ZNF577: variants seen among roughly 807,000 people sequenced by gnomAD.
ZNF577 encodes the protein zinc finger protein 577.
Under a neutral mutation model 13.9 loss-of-function variants are expected in ZNF577, and 14 were observed. The ratio of observed to expected loss-of-function variants is 1.00; its 90% CI spans 0.66 to 1.57. The LOEUF is 1.57. Among genes scored for constraint, ZNF577 ranks in the 40% most tolerant of loss-of-function variants. The pLI is 0.00. For synonymous variants in ZNF577, 203 were observed against 202.9 expected (o/e 1.00, Z 0.00); for missense variants, 555 against 579.2 (o/e 0.96, Z 0.43).
chr19:51,874,296 G>A (rs76329479), intron 5 of ZNF577, among the ~76,000 whole-genome samples: 10,011 of 152,152 alleles, frequency 0.066, 467 homozygotes, highest in Non-Finnish European at 0.099. Context: ...CTGTCATTCA[G>A]GTAAAGACAG....
At chr19:51,808,495 G>C (rs1312411071) in intron 10 of ZNF577, among the ~76,000 whole-genome samples, 1 of 152,192 alleles carries the variant, frequency 6.6e-6, no homozygotes, top group Non-Finnish European at 1.5e-5. Context: ...ATATTCCGAG[G>C]CTTCTTTAAT....
downstream of ZNF577, among the ~76,000 whole-genome samples, chr19:51,864,478 G>C (rs1365261713): frequency 6.6e-6 from 1 of 152,168 alleles, no homozygotes; most frequent in Non-Finnish European, 1.5e-5. Flanking sequence ...AGAAACAAGA[G>C]TAAAGGACTG....
intron 5 of ZNF577, among the ~76,000 whole-genome samples, 169 bp downstream of exon 5, chr19:51,877,113 G>A (rs116418100): frequency 0.013 from 2,001 of 152,278 alleles, 45 homozygotes; most frequent in African/African-American, 0.044. Context: ...TATCCTTTGA[G>A]AGCCGGCTCT....
chr19:51,878,783 C>T (rs370104784), intron 3 of ZNF577: 3 of 311,842 alleles, frequency 9.6e-6, no homozygotes, highest in East Asian at 5.6e-5. Context: ...ATCTAAATGT[C>T]TATCAAAAGC....
rs548737438 is a variant in ZNF577, at chr19:51,821,583, G to A, written c.*600-9909C>T. Among the ~76,000 whole-genome samples the A allele has an allele frequency of 3.9e-5, 6 of 152,244 alleles. No individual in the cohort carries two copies. In the South Asian group the frequency reaches 1.2e-3, roughly 32 times the overall value. ...GACCTCAGTGAAAGTGACTGGTAAT[G>A]ACAGGAAGAAAAGAAGGAAGAGAGA... On this transcript the variant is annotated intron_variant and NMD_transcript_variant, in intron 9 of 10. Coordinates refer to the ZNF577 transcript ENST00000638827.
chr19:51,873,380 GCTCAGTGAGCTGAAT>G lies in ZNF577; in HGVS notation c.595_609del (p.Ile199_Glu203del). 1 of 1,614,212 alleles carries G rather than the reference GCTCAGTGAGCTGAAT, an allele frequency of 6.2e-7. No homozygotes were observed. Among genetic ancestry groups the G allele is most frequent in the Non-Finnish European group, 8.5e-7 (1 of 1,180,038 alleles). On this transcript the variant is annotated inframe_deletion, in exon 6 of 6. Transcript: ENST00000638348. Reference sequence around the variant, plus strand: ...TTCTCTCCTGTGTGAGTTCTCTGATGCTCAGTGAGCTGAATCTTCCTCATGAATGTTTTCCCACAT... The same window carrying G: ...TTCTCTCCTGTGTGAGTTCTCTGATGCTTCCTCATGAATGTTTTCCCACAT...
At chr19:51,811,245 G>A (rs1015393638) in intron 10 of ZNF577, among the ~76,000 whole-genome samples, 4 of 145,210 alleles carry the variant, frequency 2.8e-5, no homozygotes, top group Non-Finnish European at 4.6e-5. Context: ...CACATCAAGG[G>A]TGCTGCCTGT....
At chr19:51,805,781 T>C (rs960649511) in intron 10 of ZNF577, among the ~76,000 whole-genome samples, 2 of 152,260 alleles carry the variant, frequency 1.3e-5, no homozygotes, top group South Asian at 4.1e-4. Context: ...AAGTTATTAG[T>C]GTGACCAAGG....
rs766012996 is a variant in ZNF577, at chr19:51,887,557, C to T, written c.-955G>A. 6.6e-6 allele frequency: 1 copy of T among 152,192 alleles called. No homozygotes were observed. The highest frequency in any genetic ancestry group is 2.4e-5 in the African/African-American group (1 of 41,416). The allele number at this position is 152,192 out of a possible 1,614,324, so 9.4% of individuals were successfully genotyped here. A position where few individuals can be genotyped will look rare whatever the true frequency, so the allele number is the denominator to read the frequency against. On this transcript the variant is annotated 5_prime_UTR_variant, in exon 1 of 6. The change creates a new upstream start codon in the 5' untranslated region. Coordinates refer to ENST00000638348, the MANE Select transcript of ZNF577 (RefSeq NM_001370449.1). ...GTACGCATGTGATAAGCAATGAACA[C>T]GAACTGCCCAGAGCAGTCTCCAACA... is the stretch of plus-strand genomic sequence containing the variant.
intron 1 of ZNF577, among the ~76,000 whole-genome samples, chr19:51,883,700 A>C (rs1344793126): frequency 1.3e-5 from 2 of 152,232 alleles, no homozygotes; most frequent in African/African-American, 4.8e-5. Context: ...CATTTGGATC[A>C]TGATTCAAAC....
chr19:51,879,482 T>C (rs1663448918), intron 3 of ZNF577, among the ~76,000 whole-genome samples: 2 of 151,568 alleles, frequency 1.3e-5, no homozygotes, highest in South Asian at 2.1e-4. Flanking sequence ...GGCAGGAGAA[T>C]TGCTTGAGCC....
intron 9 of ZNF577, among the ~76,000 whole-genome samples, chr19:51,816,827 C>A (rs1490438877): frequency 2.6e-5 from 4 of 152,116 alleles, no homozygotes; most frequent in Admixed American, 2.6e-4. Flanking sequence ...AGTGGTGTCT[C>A]CAGAGAATTG....
chr19:51,874,487 T>TTA (rs766229703), intron 5 of ZNF577, among the ~76,000 whole-genome samples: 1 of 144,240 alleles, frequency 6.9e-6, no homozygotes, highest in South Asian at 2.2e-4. Context: ...TTAGGTGTGA[T>TTA]AAAAAAAAAA....
Position 51,824,873 on chromosome 19 carries a change from T to C in ZNF577, c.*600-13199A>G. On this transcript the variant is annotated intron_variant and NMD_transcript_variant, in intron 9 of 10. Transcript: ENST00000638827. The surrounding 1 kb of genome is among the most constrained non-coding windows in gnomAD (Gnocchi z 4.7). ...TGCGTTAAGCGGAAAAAAAAAATTCTGACAGTGTTTTTCTTCCTCTTTCAT... is the reference window on the plus strand; with the variant it reads ...TGCGTTAAGCGGAAAAAAAAAATTCCGACAGTGTTTTTCTTCCTCTTTCAT... 7.6e-7 allele frequency: 1 copy of C among 1,322,566 alleles called. No homozygotes were observed. The highest frequency in any genetic ancestry group is 1.5e-5 in the African/African-American group (1 of 67,074). 81.9% of individuals were successfully genotyped at this position (1,322,566 alleles called of 1,614,324 possible).
chr19:51,859,850 C>T (rs764531927), intron 5 of ZNF577, among the ~76,000 whole-genome samples: 3 of 152,012 alleles, frequency 2.0e-5, no homozygotes, highest in Non-Finnish European at 4.4e-5. Flanking sequence ...ATTGTTTCTT[C>T]GTGTAATTCC....
intron 9 of ZNF577, among the ~76,000 whole-genome samples, chr19:51,817,405 G>C (rs1177400010): frequency 6.6e-6 from 1 of 152,054 alleles, no homozygotes; most frequent in Non-Finnish European, 1.5e-5. Context: ...GAGAGAGAGA[G>C]AGAAAATAGC....
At chr19:51,820,261 G>A (rs2084178269) in intron 9 of ZNF577, among the ~76,000 whole-genome samples, 1 of 152,204 alleles carries the variant, frequency 6.6e-6, no homozygotes, top group African/African-American at 2.4e-5. Flanking sequence ...ATTCCAATCT[G>A]TAATCATACA....
chr19:51,863,296 T>C (rs2084523987), downstream of ZNF577: 1 of 152,230 alleles, frequency 6.6e-6, no homozygotes. Context: ...TTCTGGATGT[T>C]ATGAAAGCTA....
In ZNF577 at chr19:51,821,035, C is replaced by T. The variant is rs116134560; in HGVS notation, c.*600-9361G>A. ...TCCTGACCTTGAGCTTCAAAAGGCACGACCCAGGATTGAGCCCCATGACAC... is the reference window on the plus strand; with the variant it reads ...TCCTGACCTTGAGCTTCAAAAGGCATGACCCAGGATTGAGCCCCATGACAC... On this transcript the variant is annotated intron_variant and NMD_transcript_variant, in intron 9 of 10. Coordinates refer to the ZNF577 transcript ENST00000638827. Among the ~76,000 whole-genome samples the T allele has an allele frequency of 9.0e-3, 1,365 of 152,244 alleles. 23 individuals carry two copies. Among genetic ancestry groups the T allele is most frequent in the African/African-American group, 0.031 (1,308 of 41,540 alleles).
Sources: gnomAD v4.1 joint callset for allele counts (sites outside exome capture counted in the v4.1 genomes callset) on GRCh38, gnomAD v4.1.1 for gene constraint, Gnocchi (gnomAD v3.1) non-coding constraint, MANE v1.5 for transcripts, NCBI Gene and HGNC (gene_info 2026-07-23, HGNC 2026-07-21) for gene names.